Variants in DISP1 observed in about 807,000 individuals in gnomAD.
The protein encoded by DISP1 is protein dispatched homolog 1.
A neutral mutation model predicts 37.3 loss-of-function variants in DISP1; 30 were observed. The ratio of observed to expected loss-of-function variants is 0.80; its 90% CI spans 0.60 to 1.09. DISP1 has a LOEUF of 1.09. Among genes scored for constraint, DISP1 ranks in the 50% least tolerant of loss-of-function variants. DISP1 has a pLI of 0.00. For missense variants in DISP1, 1,598 were observed against 1,879.5 expected (o/e 0.85, Z 2.77); for synonymous variants, 634 against 690.2 (o/e 0.92, Z 1.28).
rs189683637 is a variant in DISP1 at position 223,001,604 on chromosome 1, A to G, written c.988-781A>G. On this transcript the variant is annotated intron_variant, in intron 8 of 8. Coordinates refer to ENST00000675850, the MANE Select transcript of DISP1 (RefSeq NM_001377229.1). ...TAAACAACAAAAATTTAATTCTTATAGTTCCAGAGGCTGAGAAGTTCAAGA... is the reference window on the plus strand; with the variant it reads ...TAAACAACAAAAATTTAATTCTTATGGTTCCAGAGGCTGAGAAGTTCAAGA... Among the ~76,000 whole-genome samples, 20 of 152,310 alleles carry G rather than the reference A, an allele frequency of 1.3e-4. No homozygotes were observed. In the East Asian group the frequency reaches 3.7e-3, roughly 28 times the overall value.
At chr1:222,908,203 T>G (rs1672013863) in intron 1 of DISP1, among the ~76,000 whole-genome samples, 2 of 152,136 alleles carry the variant, frequency 1.3e-5, no homozygotes, top group South Asian at 4.1e-4. Context: ...TACACTTTCA[T>G]TTGGTATGTT....
At position 222,926,187 on chromosome 1, in the gene DISP1, C is replaced by T. The variant is rs556973422; in HGVS notation, c.-158-2243C>T. On this transcript the variant is annotated intron_variant, in intron 1 of 8. Transcript: ENST00000675850. ...ATAAATGGAATCATAAAATATGTGG[C>T]CTTTTGTTTCTTTCACTTAACGCAG... Among the ~76,000 whole-genome samples the T allele has an allele frequency of 5.4e-4, 82 of 152,238 alleles. 1 individual carries two copies. Among genetic ancestry groups the T allele is most frequent in the South Asian group, 6.2e-4 (3 of 4,826 alleles).
intron 2 of DISP1, among the ~76,000 whole-genome samples, chr1:222,938,285 T>C (rs1674118726): frequency 6.6e-6 from 1 of 152,224 alleles, no homozygotes; most frequent in Non-Finnish European, 1.5e-5. Flanking sequence ...ATTACACTTA[T>C]CACAATAGTT....
intron 1 of DISP1, among the ~76,000 whole-genome samples, chr1:222,843,587 C>G (rs1667731337): frequency 6.6e-6 from 1 of 151,564 alleles, no homozygotes; most frequent in African/African-American, 2.4e-5. Context: ...TTCTTTTGAG[C>G]AGTGATAAAA....
chr1:222,841,685 C>T (rs1667620781), intron 1 of DISP1, among the ~76,000 whole-genome samples: 1 of 152,068 alleles, frequency 6.6e-6, no homozygotes, highest in Non-Finnish European at 1.5e-5. Flanking sequence ...CTTTTATCAT[C>T]AAGCTATTTA....
chr1:222,936,737 A>ATAT (rs1673796336), intron 2 of DISP1, among the ~76,000 whole-genome samples: 3 of 98,350 alleles, frequency 3.1e-5, no homozygotes, highest in African/African-American at 1.3e-4. Flanking sequence ...GATATATAAA[A>ATAT]ATTATATATC....
intron 1 of DISP1, among the ~76,000 whole-genome samples, chr1:222,828,490 G>C (rs1664960274): frequency 6.6e-6 from 1 of 152,104 alleles, no homozygotes; most frequent in African/African-American, 2.4e-5. Context: ...AGAAATAACA[G>C]TGTTTATATT....
At chr1:222,979,862 C>T (rs574231091) in intron 3 of DISP1, 13 of 200,760 alleles carry the variant, frequency 6.5e-5, no homozygotes, top group Admixed American at 5.2e-4. Flanking sequence ...ACCAAACCCA[C>T]GCATGCCAGT....
At chr1:222,965,149 A>G (rs555031890) in intron 3 of DISP1, among the ~76,000 whole-genome samples, 101 of 152,320 alleles carry the variant, frequency 6.6e-4, no homozygotes, top group African/African-American at 2.4e-3. Context: ...GTGGTTAAGA[A>G]TGTAGGCTCT....
rs1220231000 is a variant in DISP1, at chr1:222,893,731, A to G, written c.-158-34699A>G. Among the ~76,000 whole-genome samples the G allele has an allele frequency of 6.6e-6, 1 of 152,066 alleles. No individual in the cohort carries two copies. The highest frequency in any genetic ancestry group is 2.1e-4 in the South Asian group (1 of 4,818). On this transcript the variant is annotated intron_variant, in intron 1 of 8. Coordinates refer to ENST00000675850, the MANE Select transcript of DISP1 (RefSeq NM_001377229.1). The surrounding 1 kb of genome is among the most constrained non-coding windows in gnomAD (Gnocchi z 4.3). Reference sequence around the variant, plus strand: ...GCAGAGCCCCAAAGAGAGTGTCACAACCCTGGCTCCGGGAGCTCCTAGATG... The same window carrying G: ...GCAGAGCCCCAAAGAGAGTGTCACAGCCCTGGCTCCGGGAGCTCCTAGATG...
In DISP1 at chr1:222,942,783, C is replaced by T. The variant is rs555453088; in HGVS notation, c.-17-24C>T. 121 of 1,613,656 alleles carry T rather than the reference C, an allele frequency of 7.5e-5. 1 individual carries two copies. Among genetic ancestry groups the T allele is most frequent in the East Asian group, 3.8e-4 (17 of 44,878 alleles). On this transcript the variant is annotated intron_variant, in intron 2 of 8. Coordinates refer to ENST00000675850, the MANE Select transcript of DISP1 (RefSeq NM_001377229.1). ...ATTTGCCTGCCTGACTGTAACTGGG[C>T]GATTTTATGATTTTCTTACTTAGAG... is the stretch of plus-strand genomic sequence containing the variant.
At chr1:222,861,810 TAAC>T (rs1246151917) in intron 1 of DISP1, among the ~76,000 whole-genome samples, 2 of 152,240 alleles carry the variant, frequency 1.3e-5, no homozygotes, top group Admixed American at 1.3e-4. Context: ...TAGGCCATAT[TAAC>T]AACTCATTTT....
intron 3 of DISP1, among the ~76,000 whole-genome samples, chr1:222,960,400 T>C (rs1675963450): frequency 6.6e-6 from 1 of 152,046 alleles, no homozygotes; most frequent in Admixed American, 6.6e-5. Context: ...AAGGCAGAAA[T>C]CAAGAAGTTC....
chr1:222,918,527 G>C (rs1211170978), intron 1 of DISP1, among the ~76,000 whole-genome samples: 1 of 152,112 alleles, frequency 6.6e-6, no homozygotes, highest in Non-Finnish European at 1.5e-5. Flanking sequence ...CCTTCTCCAT[G>C]AAAGGAGAGA....
intron 1 of DISP1, among the ~76,000 whole-genome samples, chr1:222,899,322 C>T (rs1251896462): frequency 6.6e-6 from 1 of 152,144 alleles, no homozygotes; most frequent in Non-Finnish European, 1.5e-5. Flanking sequence ...TATTTGTTTT[C>T]AGTATCTGCC....
At chr1:222,913,451 A>C (rs1672317786) in intron 1 of DISP1, among the ~76,000 whole-genome samples, 1 of 152,198 alleles carries the variant, frequency 6.6e-6, no homozygotes. Context: ...TAAAATATCT[A>C]AATTACTTGA....
In DISP1 at chr1:222,854,803, A is replaced by C. The variant is rs142114332; in HGVS notation, c.-159+39725A>C. The stretch of plus-strand genomic sequence containing the variant: ...GCCTACCCAGAATACGGTGCTTTGA[A>C]ACCCAAATGTTAAGGAGATAAATGG... On this transcript the variant is annotated intron_variant, in intron 1 of 8. Coordinates refer to ENST00000675850, the MANE Select transcript of DISP1 (RefSeq NM_001377229.1). Among the ~76,000 whole-genome samples the C allele has an allele frequency of 1.4e-3, 214 of 152,024 alleles. 1 individual carries two copies. The highest frequency in any genetic ancestry group is 5.0e-3 in the African/African-American group (206 of 41,470).
intron 1 of DISP1, among the ~76,000 whole-genome samples, chr1:222,839,093 C>T (rs1667432606): frequency 6.6e-6 from 1 of 152,084 alleles, no homozygotes; most frequent in African/African-American, 2.4e-5. Flanking sequence ...CTCTTAATAT[C>T]TATAGCAGGG....
intron 4 of DISP1, among the ~76,000 whole-genome samples, chr1:222,984,421 A>ATAT (rs796974033): frequency 0.015 from 1,537 of 105,746 alleles, 77 homozygotes; most frequent in East Asian, 0.022. Context: ...AAAAAAAAAA[A>ATAT]ATATATATAT....
Sources: gnomAD v4.1 joint callset for allele counts (sites outside exome capture counted in the v4.1 genomes callset) on GRCh38, gnomAD v4.1.1 for gene constraint, Gnocchi (gnomAD v3.1) non-coding constraint, MANE v1.5 for transcripts, NCBI Gene and HGNC (gene_info 2026-07-23, HGNC 2026-07-21) for gene names.